The following HS6ST3 variants were observed in gnomAD, a reference collection of about 807,000 sequenced individuals.
HS6ST3 encodes the protein heparan sulfate 6-O-sulfotransferase 3, also known as heparan-sulfate 6-O-sulfotransferase 3.
A neutral mutation model predicts 36.7 loss-of-function variants in HS6ST3; 12 were observed. The observed-to-expected ratio is 0.33, with a 90% CI of 0.21 to 0.53. HS6ST3 has a LOEUF of 0.53. HS6ST3 is among the 20% of genes least tolerant of loss of function. The probability of loss-of-function intolerance (pLI) is 0.95; values close to 1 mark genes in which losing one functional copy is unlikely to be tolerated. For missense variants in HS6ST3, 584 were observed against 640.9 expected (o/e 0.91, Z 0.96); for synonymous variants, 240 against 257.5 (o/e 0.93, Z 0.65).
At chr13:96,743,362 G>T (rs189177501) in intron 1 of HS6ST3, among the ~76,000 whole-genome samples, 1 of 152,002 alleles carries the variant, frequency 6.6e-6, no homozygotes, top group Admixed American at 6.6e-5. Context: ...ACAGTCACTC[G>T]GGCAATCCCA....
At chr13:96,431,645 T>C (rs952159823) in intron 1 of HS6ST3, among the ~76,000 whole-genome samples, 2 of 152,226 alleles carry the variant, frequency 1.3e-5, no homozygotes, top group African/African-American at 2.4e-5. Flanking sequence ...TTTTCAAAGA[T>C]CTTCCACCTT....
chr13:96,643,239 G>A (rs1004775126), intron 1 of HS6ST3, among the ~76,000 whole-genome samples: 3 of 151,914 alleles, frequency 2.0e-5, no homozygotes, highest in Non-Finnish European at 4.4e-5. Flanking sequence ...TGAGCTTGGT[G>A]TGTGTACAGG....
chr13:96,482,702 A>G (rs2055895476), intron 1 of HS6ST3, among the ~76,000 whole-genome samples: 1 of 152,234 alleles, frequency 6.6e-6, no homozygotes, highest in Admixed American at 6.5e-5. Context: ...CAAACATTAA[A>G]TATAAAGAAG....
intron 1 of HS6ST3, among the ~76,000 whole-genome samples, chr13:96,143,718 T>A (rs1363708219): frequency 1.3e-5 from 2 of 152,116 alleles, no homozygotes; most frequent in African/African-American, 4.8e-5. Context: ...TAAGTTCACT[T>A]CTGATTGTTT....
intron 1 of HS6ST3, among the ~76,000 whole-genome samples, chr13:96,438,427 T>C (rs1385277758): frequency 6.6e-6 from 1 of 152,202 alleles, no homozygotes; most frequent in Non-Finnish European, 1.5e-5. Context: ...TTATTCAAGA[T>C]CACACACAAG....
intron 1 of HS6ST3, among the ~76,000 whole-genome samples, chr13:96,451,504 G>A (rs1468372379): frequency 2.0e-5 from 3 of 152,158 alleles, no homozygotes; most frequent in East Asian, 1.9e-4. Context: ...GGATTTTAGC[G>A]AAATATTGAA....
chr13:96,366,067 C>T (rs1199000350), intron 1 of HS6ST3, among the ~76,000 whole-genome samples: 1 of 152,104 alleles, frequency 6.6e-6, no homozygotes, highest in Non-Finnish European at 1.5e-5. Context: ...TACTCCTTCC[C>T]TAGGGAGGTG....
At chr13:96,295,712 T>C (rs1425685401) in intron 1 of HS6ST3, among the ~76,000 whole-genome samples, 3 of 152,114 alleles carry the variant, frequency 2.0e-5, no homozygotes, top group African/African-American at 7.2e-5. Context: ...CTGGACAGTT[T>C]TGGTGTCTGG....
intron 1 of HS6ST3, among the ~76,000 whole-genome samples, chr13:96,703,179 G>T (rs966362259): frequency 1.3e-5 from 2 of 152,178 alleles, no homozygotes; most frequent in Admixed American, 1.3e-4. Context: ...AAGAGCATTG[G>T]CTCCCAAGTA....
chr13:96,828,976 C>T (rs1462362209), intron 1 of HS6ST3, among the ~76,000 whole-genome samples: 1 of 152,174 alleles, frequency 6.6e-6, no homozygotes, highest in East Asian at 1.9e-4. Flanking sequence ...TATTAGGCAT[C>T]ACTAGAGGCT....
chr13:96,245,955 A>C (rs970972728), intron 1 of HS6ST3, among the ~76,000 whole-genome samples: 3 of 152,180 alleles, frequency 2.0e-5, no homozygotes, highest in African/African-American at 7.2e-5. Context: ...AATATGTTAA[A>C]TTATTATTTT....
chr13:96,526,519 T>G (rs2056115112), intron 1 of HS6ST3, among the ~76,000 whole-genome samples: 2 of 152,172 alleles, frequency 1.3e-5, no homozygotes, highest in Non-Finnish European at 2.9e-5. Flanking sequence ...TCAGTGAAGA[T>G]TCTCAGTAAA....
At chr13:96,755,890 T>C (rs916524152) in intron 1 of HS6ST3, among the ~76,000 whole-genome samples, 3 of 152,202 alleles carry the variant, frequency 2.0e-5, no homozygotes, top group East Asian at 1.9e-4. Context: ...AGGTGAGTAT[T>C]CAACTTGATA....
chr13:96,095,749 ACT>A (rs112700161), intron 1 of HS6ST3, among the ~76,000 whole-genome samples: 8 of 152,066 alleles, frequency 5.3e-5, no homozygotes, highest in African/African-American at 1.9e-4. Context: ...TTGGGGAATG[ACT>A]CTGATTAGCC....
chr13:96,353,742 GTTCTT>G (rs1350623613), intron 1 of HS6ST3, among the ~76,000 whole-genome samples: 7 of 152,060 alleles, frequency 4.6e-5, no homozygotes, highest in South Asian at 4.1e-4. Flanking sequence ...CGTATAAAGA[GTTCTT>G]TTAAAATCAT....
At chr13:96,415,510 T>G (rs2055528687) in intron 1 of HS6ST3, among the ~76,000 whole-genome samples, 1 of 152,256 alleles carries the variant, frequency 6.6e-6, no homozygotes, top group Admixed American at 6.5e-5. Context: ...CTGTTTGTGC[T>G]GGTTCTGCTT....
rs1230022256 is a variant in HS6ST3, at chr13:96,469,196, A to G, written c.708-363294A>G. 2.0e-5 allele frequency among the ~76,000 whole-genome samples: 3 copies of G among 152,146 alleles called. No homozygotes were observed. The East Asian group carries it at 5.8e-4, about 29-fold the overall frequency. On this transcript the variant is annotated intron_variant, in intron 1 of 1. Coordinates refer to ENST00000376705, the MANE Select transcript of HS6ST3 (RefSeq NM_153456.4). ...TTCCCATGCATGTTTTGTAATGCAGATTTCTTTGAAAATGGTCTTGCCGGT... is the reference window on the plus strand; with the variant it reads ...TTCCCATGCATGTTTTGTAATGCAGGTTTCTTTGAAAATGGTCTTGCCGGT...
chr13:96,149,069 T>C (rs2054071456), intron 1 of HS6ST3, among the ~76,000 whole-genome samples: 2 of 152,026 alleles, frequency 1.3e-5, no homozygotes, highest in Non-Finnish European at 2.9e-5. Flanking sequence ...ATTTAGAAAA[T>C]GGAATAGGAA....
intron 1 of HS6ST3, among the ~76,000 whole-genome samples, chr13:96,337,862 T>C (rs888384288): frequency 3.3e-5 from 5 of 152,126 alleles, no homozygotes; most frequent in African/African-American, 4.8e-5. Context: ...TCTAACTTTT[T>C]AACCCAGTTT....
Sources: gnomAD v4.1 joint callset for allele counts (sites outside exome capture counted in the v4.1 genomes callset) on GRCh38, gnomAD v4.1.1 for gene constraint, MANE v1.5 for transcripts, NCBI Gene and HGNC (gene_info 2026-07-23, HGNC 2026-07-21) for gene names.